HS6ST3: variants seen among roughly 807,000 people sequenced by gnomAD.
HS6ST3 encodes the protein heparan sulfate 6-O-sulfotransferase 3.
Under a neutral mutation model 36.7 loss-of-function variants are expected in HS6ST3, and 12 were observed. The ratio of observed to expected loss-of-function variants is 0.33; its 90% CI spans 0.21 to 0.53. The LOEUF (loss-of-function observed/expected upper bound fraction) is 0.53. Among genes scored for constraint, HS6ST3 ranks in the 20% least tolerant of loss-of-function variants. The pLI is 0.95. For missense variants in HS6ST3, 584 were observed against 640.9 expected (o/e 0.91, Z 0.96); for synonymous variants, 240 against 257.5 (o/e 0.93, Z 0.65).
chr13:96,321,215 TCTCATG>T (rs1247164272), intron 1 of HS6ST3, among the ~76,000 whole-genome samples: 1 of 152,140 alleles, frequency 6.6e-6, no homozygotes, highest in Non-Finnish European at 1.5e-5. Flanking sequence ...CTGCTTTGAA[TCTCATG>T]CTGTTAGACT....
intron 1 of HS6ST3, among the ~76,000 whole-genome samples, chr13:96,390,204 G>A (rs2055388784): frequency 6.6e-6 from 1 of 152,092 alleles, no homozygotes; most frequent in Non-Finnish European, 1.5e-5. Context: ...CAGACCCATA[G>A]CATGAATTCA....
At chr13:96,515,523 T>A (rs2056068820) in intron 1 of HS6ST3, among the ~76,000 whole-genome samples, 1 of 152,210 alleles carries the variant, frequency 6.6e-6, no homozygotes, top group South Asian at 2.1e-4. Context: ...CTTTGCACAC[T>A]CTTACTCATC....
chr13:96,832,449 G>C, intron 1 of HS6ST3, 41 bp from the exon 2 acceptor site: 2 of 1,421,184 alleles, frequency 1.4e-6, no homozygotes, highest in Non-Finnish European at 1.9e-6. Context: ...CCTCCTGTTA[G>C]AGTTGTCAAC....
chr13:96,493,661 A>G (rs2055958022), intron 1 of HS6ST3, among the ~76,000 whole-genome samples: 1 of 152,234 alleles, frequency 6.6e-6, no homozygotes, highest in Non-Finnish European at 1.5e-5. Flanking sequence ...TTCTTACAAT[A>G]GCAAAATATT....
intron 1 of HS6ST3, among the ~76,000 whole-genome samples, chr13:96,136,590 C>T (rs1206446336): frequency 6.6e-6 from 1 of 151,618 alleles, no homozygotes; most frequent in East Asian, 1.9e-4. Flanking sequence ...GGCCCCATCT[C>T]CAACACTGGG....
intron 1 of HS6ST3, among the ~76,000 whole-genome samples, chr13:96,102,746 A>G (rs2053823955): frequency 6.6e-6 from 1 of 152,202 alleles, no homozygotes; most frequent in Non-Finnish European, 1.5e-5. Context: ...TTTCTTCCTA[A>G]TAAGATATTC....
chr13:96,230,662 C>T (rs2054503635), intron 1 of HS6ST3, among the ~76,000 whole-genome samples: 4 of 151,988 alleles, frequency 2.6e-5, no homozygotes, highest in Admixed American at 2.6e-4. Context: ...CAAGAGAGGA[C>T]TGGATGGGAA....
intron 1 of HS6ST3, among the ~76,000 whole-genome samples, chr13:96,125,253 T>C (rs566282353): frequency 1.3e-5 from 2 of 152,292 alleles, no homozygotes; most frequent in East Asian, 3.9e-4. Context: ...GTTAAGGTAG[T>C]AATTACAACT....
At chr13:96,381,355 T>C (rs1044994683) in intron 1 of HS6ST3, among the ~76,000 whole-genome samples, 1 of 151,808 alleles carries the variant, frequency 6.6e-6, no homozygotes, top group African/African-American at 2.4e-5. Flanking sequence ...TATATATATG[T>C]GTGTGTATAT....
At chr13:96,398,571 G>A (rs1389989662) in intron 1 of HS6ST3, among the ~76,000 whole-genome samples, 1 of 152,166 alleles carries the variant, frequency 6.6e-6, no homozygotes, top group Non-Finnish European at 1.5e-5. Flanking sequence ...GAGCCACCAA[G>A]CCCAGCCCCA....
rs1204954048 is a variant in HS6ST3, at chr13:96,090,752, A to G, written c.-111A>G. 1.2e-6 allele frequency: 1 copy of G among 824,650 alleles called. No homozygotes were observed. Among genetic ancestry groups the G allele is most frequent in the Non-Finnish European group, 1.6e-6 (1 of 618,716 alleles). 51.1% of individuals were successfully genotyped at this position (824,650 alleles called of 1,614,324 possible). ...CGCCTCGGCGTCAGGGGCATGGAGG[A>G]ACGGCGGGCTCCGAGCCGCGCCCCG... is the stretch of plus-strand genomic sequence containing the variant. On this transcript the variant is annotated 5_prime_UTR_variant, in exon 1 of 2. Coordinates refer to ENST00000376705, the MANE Select transcript of HS6ST3 (RefSeq NM_153456.4).
chr13:96,692,902 A>G lies in HS6ST3; in HGVS notation c.708-139588A>G, dbSNP rs192143823. 3.9e-5 allele frequency among the ~76,000 whole-genome samples: 6 copies of G among 152,212 alleles called. No homozygotes were observed. The East Asian group carries it at 1.2e-3, about 29-fold the overall frequency. On this transcript the variant is annotated intron_variant, in intron 1 of 1. Transcript: ENST00000376705. Reference sequence around the variant, plus strand: ...AGATTGGTGCTTTTTCTAATGTACTATTTGAGGGACATTGTACAGTCTATA... The same window carrying G: ...AGATTGGTGCTTTTTCTAATGTACTGTTTGAGGGACATTGTACAGTCTATA...
chr13:96,344,855 A>G (rs1224760681), intron 1 of HS6ST3, among the ~76,000 whole-genome samples: 1 of 152,206 alleles, frequency 6.6e-6, no homozygotes, highest in African/African-American at 2.4e-5. Flanking sequence ...TTGCTCATAG[A>G]TAGATGAGAA....
At chr13:96,649,926 G>A (rs2056601882) in intron 1 of HS6ST3, among the ~76,000 whole-genome samples, 1 of 151,878 alleles carries the variant, frequency 6.6e-6, no homozygotes, top group Non-Finnish European at 1.5e-5. Flanking sequence ...TACTTACTCT[G>A]CAGTAGCTAT....
intron 1 of HS6ST3, among the ~76,000 whole-genome samples, chr13:96,335,721 C>T (rs1454157890): frequency 6.6e-6 from 1 of 152,150 alleles, no homozygotes. Context: ...TGGTGTAGTC[C>T]TCCTCTTTAG....
At chr13:96,605,249 T>C (rs2056434650) in intron 1 of HS6ST3, among the ~76,000 whole-genome samples, 1 of 152,116 alleles carries the variant, frequency 6.6e-6, no homozygotes, top group Non-Finnish European at 1.5e-5. Context: ...GAATGGTGAA[T>C]AATAAGTAAA....
intron 1 of HS6ST3, among the ~76,000 whole-genome samples, chr13:96,308,430 C>T (rs2054924397): frequency 6.6e-6 from 1 of 152,072 alleles, no homozygotes; most frequent in Admixed American, 6.6e-5. Flanking sequence ...TATCCAAAAT[C>T]AGGCACCTGA....
At chr13:96,321,821 C>T (rs1024078088) in intron 1 of HS6ST3, among the ~76,000 whole-genome samples, 2 of 152,176 alleles carry the variant, frequency 1.3e-5, no homozygotes, top group Non-Finnish European at 2.9e-5. Context: ...AAAAAATAGA[C>T]AACCATGCTG....
chr13:96,139,008 T>C (rs1387315557), intron 1 of HS6ST3, among the ~76,000 whole-genome samples: 2 of 152,018 alleles, frequency 1.3e-5, no homozygotes, highest in Non-Finnish European at 2.9e-5. Context: ...TATTTTATAA[T>C]CAGAAAAAAA....
Sources: gnomAD v4.1 joint callset for allele counts (sites outside exome capture counted in the v4.1 genomes callset) on GRCh38, gnomAD v4.1.1 for gene constraint, MANE v1.5 for transcripts, NCBI Gene and HGNC (gene_info 2026-07-23, HGNC 2026-07-21) for gene names.